RPS6KC1: variants seen among roughly 807,000 people sequenced by gnomAD.
The protein encoded by RPS6KC1 is inactive ribosomal protein S6 kinase delta-1.
RPS6KC1 carries 54 observed loss-of-function variants against 103.8 expected under a neutral mutation model. The ratio of observed to expected loss-of-function variants is 0.52; its 90% CI spans 0.42 to 0.65. RPS6KC1 has a LOEUF of 0.65. Ranked by LOEUF, RPS6KC1 falls within the 30% of genes least tolerant of loss-of-function variation. RPS6KC1 has a pLI of 0.00. For synonymous variants in RPS6KC1, 439 were observed against 438.7 expected (o/e 1.00, Z -0.01); for missense variants, 1,151 against 1,253.8 (o/e 0.92, Z 1.24).
At chr1:213,625,733 A>C in the RPS6KC1 span, among the ~76,000 whole-genome samples, 5 of 152,276 alleles carry the variant, frequency 3.3e-5, no homozygotes. Flanking sequence ...TCCAGCTTCA[A>C]CCATGTCCCT....
chr1:213,465,364 G>A, the RPS6KC1 span, among the ~76,000 whole-genome samples: 2 of 152,154 alleles, frequency 1.3e-5, no homozygotes, highest in South Asian at 4.1e-4. Flanking sequence ...GCATGCACAG[G>A]TAGGAGAGTT....
chr1:213,693,071 C>A, the RPS6KC1 span, among the ~76,000 whole-genome samples: 1 of 152,176 alleles, frequency 6.6e-6, no homozygotes, highest in Non-Finnish European at 1.5e-5. Context: ...AAGAAAAAAA[C>A]CCCAAATCTG....
intron 3 of RPS6KC1, 42 bp downstream of exon 3, chr1:213,077,858 A>T: frequency 5.8e-6 from 7 of 1,209,912 alleles, no homozygotes; most frequent in Non-Finnish European, 8.0e-6. Flanking sequence ...AAAATAATTA[A>T]TTTTGTATAT....
chr1:213,256,624 G>A (rs2094650067), intron 12 of RPS6KC1, among the ~76,000 whole-genome samples: 1 of 152,228 alleles, frequency 6.6e-6, no homozygotes, highest in South Asian at 2.1e-4. Flanking sequence ...ACAGGTTGTG[G>A]GTTGCACAGG....
intron 12 of RPS6KC1, among the ~76,000 whole-genome samples, chr1:213,256,991 T>C (rs575860346): frequency 4.6e-5 from 7 of 152,324 alleles, no homozygotes; most frequent in Non-Finnish European, 8.8e-5. Context: ...CTTTTTATCT[T>C]GCAAATCCAT....
At chr1:213,630,843 C>T in the RPS6KC1 span, among the ~76,000 whole-genome samples, 1 of 152,200 alleles carries the variant, frequency 6.6e-6, no homozygotes, top group East Asian at 1.9e-4. Context: ...GAGGTCCACT[C>T]CAGACCCTGT....
the RPS6KC1 span, among the ~76,000 whole-genome samples, chr1:213,771,534 C>G: frequency 1.3e-5 from 2 of 152,292 alleles, no homozygotes; most frequent in African/African-American, 4.8e-5. Context: ...AGGGAAATGG[C>G]TTCTTATTTT....
chr1:213,177,872 G>A (rs1306549940), intron 8 of RPS6KC1, among the ~76,000 whole-genome samples: 3 of 152,052 alleles, frequency 2.0e-5, no homozygotes, highest in African/African-American at 7.2e-5. Context: ...TTACCTTGAA[G>A]TCCTAGTAAT....
chr1:213,070,948 A>G, intron 1 of RPS6KC1, 58 bp from the exon 2 acceptor site: 1 of 1,063,194 alleles, frequency 9.4e-7, no homozygotes, highest in Non-Finnish European at 1.4e-6. Context: ...TAATTATACA[A>G]ATATGAAATC....
chr1:213,679,502 A>G, the RPS6KC1 span, among the ~76,000 whole-genome samples: 6 of 152,222 alleles, frequency 3.9e-5, no homozygotes, highest in African/African-American at 9.6e-5. Flanking sequence ...ACTCAAAGTT[A>G]CTGATAGGAG....
rs558607405 is a variant in RPS6KC1, at chr1:213,079,334, T to G, written c.262+1518T>G. ...ATTACTCAGTCAAGGGGTCTGCATA[T>G]TTTTGAGACTTTTGATGCATATTGT... On this transcript the variant is annotated intron_variant, in intron 3 of 14. Transcript: ENST00000366960. Among the ~76,000 whole-genome samples, 9 of 152,320 alleles carry G rather than the reference T, an allele frequency of 5.9e-5. 1 individual carries two copies. Among genetic ancestry groups the G allele is most frequent in the African/African-American group, 2.2e-4 (9 of 41,570 alleles).
rs551967747 is a variant in RPS6KC1 at position 213,152,031 on chromosome 1, C to T, written c.836-15827C>T. Among the ~76,000 whole-genome samples the T allele has an allele frequency of 1.6e-3, 207 of 132,564 alleles. 3 individuals are homozygous for T. The highest frequency in any genetic ancestry group is 5.4e-3 in the Middle Eastern group (1 of 186). 87.0% of individuals were successfully genotyped at this position (132,564 alleles called of 152,430 possible). On this transcript the variant is annotated intron_variant, in intron 6 of 14. Transcript: ENST00000366960. ...GCAGAGGCGCCCCTCACCTCCCGGA[C>T]GGGGCAGCTGGCCGGGCGGGGGGCT...
chr1:213,509,031 G>A, the RPS6KC1 span, among the ~76,000 whole-genome samples: 2 of 152,130 alleles, frequency 1.3e-5, no homozygotes, highest in South Asian at 2.1e-4. Flanking sequence ...CCTTCTAATT[G>A]ATTTTGAAAT....
chr1:213,771,515 C>T, the RPS6KC1 span, among the ~76,000 whole-genome samples: 1 of 152,154 alleles, frequency 6.6e-6, no homozygotes. Context: ...AACAACACCT[C>T]CGGAGGAGAG....
the RPS6KC1 span, among the ~76,000 whole-genome samples, chr1:213,781,405 A>T: frequency 1.3e-5 from 2 of 152,150 alleles, no homozygotes; most frequent in Non-Finnish European, 2.9e-5. Flanking sequence ...GCCCTAGGAG[A>T]TGGGATCCAG....
In RPS6KC1 at chr1:213,155,169, T is replaced by C. The variant is rs900533427; in HGVS notation, c.836-12689T>C. On this transcript the variant is annotated intron_variant, in intron 6 of 14. Transcript: ENST00000366960. ...CCCACTTTCCTCTCCTTTCCTCAAG[T>C]GGAGGAATGGCGTGTCTTTTGGAGC... 6.6e-5 allele frequency among the ~76,000 whole-genome samples: 10 copies of C among 152,194 alleles called. No individual in the cohort carries two copies. The South Asian group carries it at 2.1e-3, about 32-fold the overall frequency.
intron 4 of RPS6KC1, 29 bp downstream of exon 4, chr1:213,104,598 ATCTTATT>A: frequency 8.3e-7 from 1 of 1,206,150 alleles, no homozygotes; most frequent in Non-Finnish European, 1.2e-6. Context: ...AATATTTTAT[ATCTTATT>A]AAATACTTTT....
chr1:213,153,327 G>GGGCAGGGGCAGA (rs2089480428), intron 6 of RPS6KC1, among the ~76,000 whole-genome samples: 1 of 151,802 alleles, frequency 6.6e-6, no homozygotes, highest in Admixed American at 6.6e-5. Flanking sequence ...GCAGGGGCAG[G>GGGCAGGGGCAGA]GGCAGGGGCA....
the RPS6KC1 span, among the ~76,000 whole-genome samples, chr1:213,355,812 C>T: frequency 5.9e-5 from 9 of 152,262 alleles, no homozygotes; most frequent in African/African-American, 9.6e-5. Context: ...TGAACCAGCA[C>T]GACTTATTAT....
Sources: gnomAD v4.1 joint callset for allele counts (sites outside exome capture counted in the v4.1 genomes callset) on GRCh38, gnomAD v4.1.1 for gene constraint, MANE v1.5 for transcripts, NCBI Gene and HGNC (gene_info 2026-07-23, HGNC 2026-07-21) for gene names.